The following GPC5 variants were observed in gnomAD, a reference collection of about 807,000 sequenced individuals.
GPC5 encodes the protein glypican 5, also known as glypican-5.
A neutral mutation model predicts 53.9 loss-of-function variants in GPC5; 47 were observed. The ratio of observed to expected loss-of-function variants is 0.87; its 90% CI spans 0.69 to 1.11. GPC5 has a LOEUF of 1.11. Ranked by LOEUF, GPC5 falls within the 50% of genes most tolerant of loss-of-function variation. The pLI is 0.00. For missense variants in GPC5, 748 were observed against 713.1 expected (o/e 1.05, Z -0.56); for synonymous variants, 286 against 263.3 (o/e 1.09, Z -0.84).
chr13:91,846,667 A>C (rs1461186003), intron 5 of GPC5, among the ~76,000 whole-genome samples: 1 of 152,044 alleles, frequency 6.6e-6, no homozygotes, highest in East Asian at 1.9e-4. Flanking sequence ...TAATTTCTAA[A>C]TACTTGGATA....
At chr13:92,758,646 T>C (rs1328657806) in intron 7 of GPC5, among the ~76,000 whole-genome samples, 5 of 152,156 alleles carry the variant, frequency 3.3e-5, no homozygotes, top group African/African-American at 9.7e-5. Context: ...CTTGTGTTTA[T>C]ATTTATTTTC....
intron 5 of GPC5, among the ~76,000 whole-genome samples, chr13:91,895,053 TAAA>T (rs111823854): frequency 8.1e-6 from 1 of 123,836 alleles, no homozygotes; most frequent in African/African-American, 2.9e-5. Flanking sequence ...ATCCCTAACT[TAAA>T]AAAAAAAAAA....
intron 5 of GPC5, among the ~76,000 whole-genome samples, chr13:91,899,952 C>T (rs1315063457): frequency 1.3e-5 from 2 of 152,014 alleles, no homozygotes; most frequent in Non-Finnish European, 2.9e-5. Flanking sequence ...TGGCCCTAGG[C>T]GACTACTACA....
intron 7 of GPC5, among the ~76,000 whole-genome samples, chr13:92,453,034 C>A (rs949077558): frequency 1.3e-5 from 2 of 152,156 alleles, no homozygotes; most frequent in East Asian, 1.9e-4. Flanking sequence ...AGTATCTCAG[C>A]CAGCTGGAAC....
chr13:92,566,807 C>T (rs1311551472), intron 7 of GPC5, among the ~76,000 whole-genome samples: 1 of 151,966 alleles, frequency 6.6e-6, no homozygotes, highest in African/African-American at 2.4e-5. Context: ...ACTACAAGAG[C>T]TAAATAGCAT....
At chr13:91,997,112 A>G (rs778849602) in intron 6 of GPC5, among the ~76,000 whole-genome samples, 11 of 152,134 alleles carry the variant, frequency 7.2e-5, no homozygotes, top group Non-Finnish European at 1.5e-4. Flanking sequence ...AGCTGTAAGC[A>G]TAAACATTGG....
intron 6 of GPC5, among the ~76,000 whole-genome samples, chr13:91,977,681 C>G (rs2040316427): frequency 6.6e-6 from 1 of 152,168 alleles, no homozygotes; most frequent in South Asian, 2.1e-4. Flanking sequence ...AAGATACCTC[C>G]TTCCCCCATA....
intron 6 of GPC5, among the ~76,000 whole-genome samples, chr13:91,977,961 AAGAAAG>A (rs1566375029): frequency 0.022 from 3,330 of 148,074 alleles, 144 homozygotes; most frequent in African/African-American, 0.079. Flanking sequence ...AGAAAAAAGA[AAGAAAG>A]AAAGAAAGAA....
At chr13:92,828,571 T>C (rs1008814624) in intron 7 of GPC5, among the ~76,000 whole-genome samples, 2 of 152,116 alleles carry the variant, frequency 1.3e-5, no homozygotes, top group Non-Finnish European at 2.9e-5. Flanking sequence ...CATCACCATA[T>C]AATCCAATGC....
At chr13:92,458,931 G>C (rs772954006) in intron 7 of GPC5, among the ~76,000 whole-genome samples, 86 of 152,190 alleles carry the variant, frequency 5.7e-4, no homozygotes, top group Non-Finnish European at 8.7e-4. Flanking sequence ...TGCTTTGTGA[G>C]TGCCTACTTT....
At chr13:92,360,508 G>A (rs139972278) in intron 7 of GPC5, among the ~76,000 whole-genome samples, 4 of 151,550 alleles carry the variant, frequency 2.6e-5, no homozygotes, top group Admixed American at 1.3e-4. Context: ...ATGACAAACC[G>A]ACAGCCAACA....
intron 6 of GPC5, among the ~76,000 whole-genome samples, chr13:91,984,807 A>T (rs2040391831): frequency 6.6e-6 from 1 of 152,136 alleles, no homozygotes; most frequent in Non-Finnish European, 1.5e-5. Context: ...GGCAGTACTG[A>T]CTTCAGGTTT....
Position 92,848,854 on chromosome 13 carries a change from T to C in GPC5, c.1562-17428T>C, listed in dbSNP as rs182590833. Among the ~76,000 whole-genome samples the C allele has an allele frequency of 2.0e-5, 3 of 152,308 alleles. No individual in the cohort carries two copies. The East Asian group carries it at 5.8e-4, about 29-fold the overall frequency. ...TGCATTATCATATGTCACATGGGATTAGATACTGAGGAAACAATGAAATAT... is the reference window on the plus strand; with the variant it reads ...TGCATTATCATATGTCACATGGGATCAGATACTGAGGAAACAATGAAATAT... On this transcript the variant is annotated intron_variant, in intron 7 of 7. Coordinates refer to ENST00000377067, the MANE Select transcript of GPC5 (RefSeq NM_004466.6).
At chr13:91,877,939 A>G (rs559247069) in intron 5 of GPC5, among the ~76,000 whole-genome samples, 1 of 152,112 alleles carries the variant, frequency 6.6e-6, no homozygotes, top group Admixed American at 6.6e-5. Context: ...AATTAGTCTC[A>G]TGAGATTTGA....
intron 2 of GPC5, among the ~76,000 whole-genome samples, chr13:91,465,887 A>G (rs1158497054): frequency 6.6e-6 from 1 of 152,200 alleles, no homozygotes; most frequent in East Asian, 1.9e-4. Flanking sequence ...ATTTATTTAA[A>G]TAAAAATAAC....
At chr13:92,295,119 C>T (rs1053005625) in intron 7 of GPC5, among the ~76,000 whole-genome samples, 6 of 152,050 alleles carry the variant, frequency 3.9e-5, no homozygotes, top group Admixed American at 2.6e-4. Flanking sequence ...TGTGAGCCAC[C>T]ATGCCCGGCC....
At chr13:91,957,024 A>G (rs2040079528) in intron 6 of GPC5, among the ~76,000 whole-genome samples, 1 of 152,130 alleles carries the variant, frequency 6.6e-6, no homozygotes, top group Non-Finnish European at 1.5e-5. Context: ...AAATAATGAT[A>G]TTAAATAAGC....
intron 3 of GPC5, chr13:91,725,117 C>T (rs1383511015): frequency 1.3e-5 from 2 of 152,100 alleles, no homozygotes. Context: ...AATACTTGAT[C>T]AGAATGGTGG....
chr13:92,529,558 A>C (rs1013421780), intron 7 of GPC5, among the ~76,000 whole-genome samples: 9 of 152,138 alleles, frequency 5.9e-5, no homozygotes, highest in African/African-American at 2.2e-4. Context: ...GCTTAATCTA[A>C]TATAGTAATG....
Sources: allele counts gnomAD v4.1 joint callset (sites outside exome capture counted in the v4.1 genomes callset), GRCh38; gene constraint gnomAD v4.1.1; transcripts MANE v1.5; gene names NCBI Gene and HGNC (gene_info 2026-07-23, HGNC 2026-07-21).